FOCAD: variants seen among roughly 807,000 people sequenced by gnomAD.
FOCAD encodes the protein focadhesin.
Under a neutral mutation model 225.6 loss-of-function variants are expected in FOCAD, and 198 were observed. That is an observed-to-expected ratio of 0.88 (90% CI 0.78 to 0.99). FOCAD has a LOEUF of 0.99. FOCAD is among the 50% of genes least tolerant of loss of function. FOCAD has a pLI of 0.00. For synonymous variants in FOCAD, 897 were observed against 755.0 expected (o/e 1.19, Z -3.08); for missense variants, 2,713 against 2,123.6 (o/e 1.28, Z -5.46).
chr9:20,935,845 C>A (rs2132248410), intron 28 of FOCAD, among the ~76,000 whole-genome samples: 1 of 152,326 alleles, frequency 6.6e-6, no homozygotes, highest in East Asian at 1.9e-4. Context: ...GATTACCAAC[C>A]TGCTTAGCAT....
intron 15 of FOCAD, among the ~76,000 whole-genome samples, chr9:20,830,061 A>T (rs1352385104): frequency 6.6e-6 from 1 of 152,080 alleles, no homozygotes; most frequent in Non-Finnish European, 1.5e-5. Context: ...TCAGGACTCA[A>T]ACCTAGGTCT....
chr9:20,895,136 T>C (rs1831968110), intron 21 of FOCAD, among the ~76,000 whole-genome samples: 1 of 152,042 alleles, frequency 6.6e-6, no homozygotes, highest in Non-Finnish European at 1.5e-5. Flanking sequence ...TACATTTATA[T>C]ACGTCTGTTT....
chr9:20,891,370 G>A (rs1831598578), intron 21 of FOCAD, among the ~76,000 whole-genome samples: 1 of 152,294 alleles, frequency 6.6e-6, no homozygotes, highest in Middle Eastern at 3.4e-3. Flanking sequence ...AGCGAGGAAG[G>A]CATATTGAAA....
At chr9:20,680,426 C>T (rs147245725), upstream of FOCAD, among the ~76,000 whole-genome samples, 330 of 152,210 alleles carry the variant, frequency 2.2e-3, 2 homozygotes, top group African/African-American at 7.6e-3. Flanking sequence ...GGCATGGTGG[C>T]GCACGCCTGT....
At chr9:20,898,597 T>C (rs990933450) in intron 21 of FOCAD, among the ~76,000 whole-genome samples, 2 of 151,942 alleles carry the variant, frequency 1.3e-5, no homozygotes, top group Non-Finnish European at 2.9e-5. Flanking sequence ...TATATCTCTC[T>C]GCTTACATTG....
upstream of FOCAD, among the ~76,000 whole-genome samples, chr9:20,679,948 C>G (rs763683098): frequency 3.3e-5 from 5 of 152,328 alleles, no homozygotes; most frequent in South Asian, 2.1e-4. Flanking sequence ...TCTGCTGTTT[C>G]TCAGAAATAT....
rs545976303 is a variant in FOCAD at position 20,986,266 on chromosome 9, ATT to A, written c.4729-6_4729-5del. 7,823 of 691,478 alleles carry A rather than the reference ATT, an allele frequency of 0.011. No individual in the cohort carries two copies. The highest frequency in any genetic ancestry group is 0.019 in the South Asian group (628 of 33,372). 42.8% of individuals were successfully genotyped at this position (691,478 alleles called of 1,614,324 possible). On this transcript the variant is annotated intron_variant, in intron 39 of 43. Transcript: ENST00000338382. The stretch of plus-strand genomic sequence containing the variant: ...CAGTTAATTTAATAGTAACTAAACA[ATT>A]TTTTTTTTTTTTTTTGCAGAGCAAC...
intron 21 of FOCAD, among the ~76,000 whole-genome samples, chr9:20,888,711 G>A (rs769951284): frequency 2.2e-4 from 33 of 152,074 alleles, no homozygotes; most frequent in Non-Finnish European, 4.4e-4. Flanking sequence ...TGAATTATGG[G>A]GGCGGGTCTT....
At chr9:20,660,515 C>G (rs957551353) in intron 2 of FOCAD, among the ~76,000 whole-genome samples, 6 of 125,822 alleles carry the variant, frequency 4.8e-5, no homozygotes, top group Non-Finnish European at 1.0e-4. Context: ...AAGAAGATTT[C>G]TATAGGGTGA....
At chr9:20,862,863 T>C (rs1828901982) in intron 16 of FOCAD, 151 bp downstream of exon 16, 1 of 649,956 alleles carries the variant, frequency 1.5e-6, no homozygotes, top group Non-Finnish European at 2.4e-6. Flanking sequence ...AGGAGTAAGA[T>C]AGCTCCTCAT....
intron 5 of FOCAD, among the ~76,000 whole-genome samples, chr9:20,754,523 A>C (rs190439957): frequency 6.6e-6 from 1 of 151,692 alleles, no homozygotes; most frequent in Admixed American, 6.6e-5. Flanking sequence ...ATTCAGTGTT[A>C]GGAAAGGTGA....
chr9:20,765,262 T>G (rs1829958241), intron 7 of FOCAD, among the ~76,000 whole-genome samples, 189 bp downstream of exon 7: 1 of 152,172 alleles, frequency 6.6e-6, no homozygotes, highest in Non-Finnish European at 1.5e-5. Flanking sequence ...TATATTATAT[T>G]CGATATTAAC....
chr9:20,943,518 C>T (rs533971596), intron 28 of FOCAD, among the ~76,000 whole-genome samples: 1 of 152,234 alleles, frequency 6.6e-6, no homozygotes, highest in East Asian at 1.9e-4. Context: ...TGAGCAAATC[C>T]TGTAGCCTGT....
intron 5 of FOCAD, among the ~76,000 whole-genome samples, chr9:20,755,807 T>G (rs1325494166): frequency 6.6e-6 from 1 of 152,064 alleles, no homozygotes; most frequent in Non-Finnish European, 1.5e-5. Flanking sequence ...GTAGTGAGTG[T>G]TTTTTTGTTT....
intron 4 of FOCAD, among the ~76,000 whole-genome samples, chr9:20,730,978 G>A (rs1043856096): frequency 3.9e-5 from 6 of 152,214 alleles, no homozygotes; most frequent in Non-Finnish European, 7.3e-5. Flanking sequence ...GCTCACGCCT[G>A]TAATCCCAGC....
At chr9:20,774,084 A>T (rs1479474973) in intron 8 of FOCAD, among the ~76,000 whole-genome samples, 1 of 152,178 alleles carries the variant, frequency 6.6e-6, no homozygotes, top group Non-Finnish European at 1.5e-5. Flanking sequence ...TGCTCCTTAT[A>T]AGAATCTAAA....
chr9:20,755,187 A>T (rs1484823791), intron 5 of FOCAD, among the ~76,000 whole-genome samples: 8 of 152,198 alleles, frequency 5.3e-5, no homozygotes, highest in Admixed American at 5.2e-4. Flanking sequence ...ATTGCCACTC[A>T]GTTCTGACAT....
At chr9:20,935,147 G>T (rs1027867590) in intron 28 of FOCAD, among the ~76,000 whole-genome samples, 4 of 152,158 alleles carry the variant, frequency 2.6e-5, no homozygotes, top group African/African-American at 9.7e-5. Context: ...AGAAATATTT[G>T]TAGAATGTGA....
At chr9:20,659,979 C>T (rs1020804186) in intron 2 of FOCAD, among the ~76,000 whole-genome samples, 1 of 152,132 alleles carries the variant, frequency 6.6e-6, no homozygotes, top group African/African-American at 2.4e-5. Context: ...GCTCAAGTGG[C>T]TGGGTGAATA....
Sources: allele counts gnomAD v4.1 joint callset (sites outside exome capture counted in the v4.1 genomes callset), GRCh38; gene constraint gnomAD v4.1.1; transcripts MANE v1.5; gene names NCBI Gene and HGNC (gene_info 2026-07-23, HGNC 2026-07-21).